The following GPR149 variants were observed in gnomAD, a reference collection of about 807,000 sequenced individuals.
The protein encoded by GPR149 is probable G protein-coupled receptor 149.
Under a neutral mutation model 50.2 loss-of-function variants are expected in GPR149, and 50 were observed. That is an observed-to-expected ratio of 1.00 (90% CI 0.79 to 1.26). The LOEUF (loss-of-function observed/expected upper bound fraction) is 1.26, where lower values mean the gene tolerates loss of function less well. Among genes scored for constraint, GPR149 ranks in the 50% most tolerant of loss-of-function variants. The pLI is 0.00. For missense variants in GPR149, 983 were observed against 895.4 expected, an observed-to-expected ratio of 1.10 and a Z score of -1.25; for synonymous variants, 405 against 358.2, an observed-to-expected ratio of 1.13 and a Z score of -1.48.
chr3:154,420,018 C>T (rs943062642), intron 3 of GPR149, among the ~76,000 whole-genome samples: 1 of 151,904 alleles, frequency 6.6e-6, no homozygotes, highest in Non-Finnish European at 1.5e-5. Flanking sequence ...ACTTTTAAAA[C>T]AATGGTATCA....
intron 3 of GPR149, among the ~76,000 whole-genome samples, chr3:154,401,106 C>A (rs1186897859): frequency 6.6e-6 from 1 of 152,138 alleles, no homozygotes; most frequent in Non-Finnish European, 1.5e-5. Flanking sequence ...AAATGCAAAA[C>A]ACTGTGAGCT....
chr3:154,363,165 T>C (rs1292704835), intron 3 of GPR149, among the ~76,000 whole-genome samples: 1 of 152,192 alleles, frequency 6.6e-6, no homozygotes, highest in Non-Finnish European at 1.5e-5. Context: ...TAAGGAGTTT[T>C]AACCTTGTCC....
intron 3 of GPR149, among the ~76,000 whole-genome samples, chr3:154,356,368 T>C (rs533856589): frequency 7.9e-5 from 12 of 152,196 alleles, no homozygotes; most frequent in African/African-American, 2.9e-4. Context: ...GGGTATTCAA[T>C]CAGGAAAAGA....
At chr3:154,387,927 A>G (rs1217990513) in intron 3 of GPR149, among the ~76,000 whole-genome samples, 1 of 152,184 alleles carries the variant, frequency 6.6e-6, no homozygotes, top group Non-Finnish European at 1.5e-5. Context: ...AAAAATAATA[A>G]GACAAACAGC....
chr3:154,365,103 C>G (rs1278304926), intron 3 of GPR149, among the ~76,000 whole-genome samples: 1 of 152,152 alleles, frequency 6.6e-6, no homozygotes, highest in Non-Finnish European at 1.5e-5. Flanking sequence ...CCTTTGAAAT[C>G]TAGGTGGAGG....
At chr3:154,415,398 G>A (rs1711958384) in intron 3 of GPR149, among the ~76,000 whole-genome samples, 2 of 151,888 alleles carry the variant, frequency 1.3e-5, no homozygotes, top group African/African-American at 4.8e-5. Flanking sequence ...AATATCTGAA[G>A]TAGTTTAGAA....
rs368009061 is a variant in GPR149 at position 154,403,549 on chromosome 3, TA to T, written c.1623+17489del. Among the ~76,000 whole-genome samples, 495 of 152,290 alleles carry T rather than the reference TA, an allele frequency of 3.3e-3. 1 individual carries two copies. The highest frequency in any genetic ancestry group is 0.011 in the African/African-American group (474 of 41,560). On this transcript the variant is annotated intron_variant, in intron 3 of 3. Coordinates refer to ENST00000389740, the MANE Select transcript of GPR149 (RefSeq NM_001038705.3). ...TGAAAGCATATATAGCTTTGTTCTT[TA>T]AAAAAGTATAGAAATCTTCTTTTTT...
At chr3:154,415,515 C>T (rs1179262823) in intron 3 of GPR149, among the ~76,000 whole-genome samples, 1 of 151,762 alleles carries the variant, frequency 6.6e-6, no homozygotes, top group Non-Finnish European at 1.5e-5. Context: ...TAAACTATAC[C>T]AGATAATGAC....
rs1309640768 is a variant in GPR149 at position 154,336,296 on chromosome 3, G to A, written c.*1403C>T. 5.3e-5 allele frequency: 8 copies of A among 152,030 alleles called. No individual in the cohort carries two copies. The highest frequency in any genetic ancestry group is 1.9e-4 in the African/African-American group (8 of 41,432). 9.4% of individuals were successfully genotyped at this position (152,030 alleles called of 1,614,324 possible). On this transcript the variant is annotated 3_prime_UTR_variant, in exon 4 of 4. Coordinates refer to ENST00000389740, the MANE Select transcript of GPR149 (RefSeq NM_001038705.3). Reference sequence around the variant, plus strand: ...GAAACATTCTGAAAGCCGATGTCAAGTAATTTTGAATTCTAATTCAACCTA... The same window carrying A: ...GAAACATTCTGAAAGCCGATGTCAAATAATTTTGAATTCTAATTCAACCTA...
chr3:154,345,441 C>T (rs1172479767), intron 3 of GPR149, among the ~76,000 whole-genome samples: 4 of 152,160 alleles, frequency 2.6e-5, no homozygotes, highest in Non-Finnish European at 5.9e-5. Flanking sequence ...GTAATCTCTG[C>T]TTTCTTTTCA....
intron 3 of GPR149, among the ~76,000 whole-genome samples, chr3:154,410,839 G>T (rs763870033): frequency 6.6e-6 from 1 of 151,952 alleles, no homozygotes; most frequent in Non-Finnish European, 1.5e-5. Flanking sequence ...TAGAACAAAT[G>T]GACTTAACAG....
At chr3:154,353,105 G>A in intron 3 of GPR149, 8 of 1,473,546 alleles carry the variant, frequency 5.4e-6, no homozygotes, top group Non-Finnish European at 6.7e-6. Flanking sequence ...TCTGTTTTAT[G>A]TGTGGATTCA....
chr3:154,344,801 A>G (rs1713884322), intron 3 of GPR149, among the ~76,000 whole-genome samples: 4 of 152,226 alleles, frequency 2.6e-5, no homozygotes, highest in Admixed American at 1.3e-4. Flanking sequence ...TGGTCTTCCC[A>G]ACACCATATT....
chr3:154,356,561 T>C (rs928817148), intron 3 of GPR149, among the ~76,000 whole-genome samples: 19 of 152,192 alleles, frequency 1.2e-4, no homozygotes, highest in Non-Finnish European at 2.2e-4. Flanking sequence ...AGCCAAATCA[T>C]GAGTGAACTC....
intron 3 of GPR149, among the ~76,000 whole-genome samples, chr3:154,408,560 T>A (rs1426062688): frequency 1.3e-5 from 2 of 152,002 alleles, no homozygotes; most frequent in African/African-American, 2.4e-5. Context: ...CTGTTGACTT[T>A]CCCCCACTTT....
intron 2 of GPR149, among the ~76,000 whole-genome samples, chr3:154,427,254 G>C (rs981971080): frequency 4.0e-5 from 6 of 151,230 alleles, no homozygotes; most frequent in Admixed American, 3.3e-4. Flanking sequence ...ATGAATCCTA[G>C]TCTTCCCTTT....
chr3:154,367,548 T>A (rs1421933116), intron 3 of GPR149, among the ~76,000 whole-genome samples: 1 of 152,192 alleles, frequency 6.6e-6, no homozygotes, highest in Non-Finnish European at 1.5e-5. Context: ...TTAATTGTCT[T>A]TGTTTCTTGC....
At chr3:154,383,815 A>C (rs1206616994) in intron 3 of GPR149, among the ~76,000 whole-genome samples, 1 of 152,066 alleles carries the variant, frequency 6.6e-6, no homozygotes, top group Non-Finnish European at 1.5e-5. Flanking sequence ...TAGAGCCCTC[A>C]TGAGTAGGAT....
chr3:154,427,410 T>A, intron 2 of GPR149, 106 bp downstream of exon 2: 1 of 835,962 alleles, frequency 1.2e-6, no homozygotes, highest in Non-Finnish European at 1.9e-6. Flanking sequence ...CTGACATTTA[T>A]CCTTGGACTC....
Sources: allele counts gnomAD v4.1 joint callset (sites outside exome capture counted in the v4.1 genomes callset), GRCh38; gene constraint gnomAD v4.1.1; transcripts MANE v1.5; gene names NCBI Gene and HGNC (gene_info 2026-07-23, HGNC 2026-07-21).